The following COL4A2 variants were observed in gnomAD, a reference collection of about 807,000 sequenced individuals.
COL4A2 encodes collagen alpha-2(IV) chain.
COL4A2 carries 99 observed loss-of-function variants against 200.2 expected under a neutral mutation model. The observed-to-expected ratio is 0.49, with a 90% CI of 0.42 to 0.58. The LOEUF (loss-of-function observed/expected upper bound fraction) is 0.58, where lower values mean the gene tolerates loss of function less well. Among genes scored for constraint, COL4A2 ranks in the 20% least tolerant of loss-of-function variants. The pLI is 0.00. For synonymous variants in COL4A2, 897 were observed against 900.6 expected (o/e 1.00, Z 0.07); for missense variants, 1,950 against 2,314.1 (o/e 0.84, Z 3.23).
chr13:110,474,910 TCA>T (rs1310774617), intron 29 of COL4A2, among the ~76,000 whole-genome samples: 1 of 45,212 alleles, frequency 2.2e-5, no homozygotes, highest in Non-Finnish European at 4.9e-5. Context: ...ACACTCACGA[TCA>T]CACACATGCA....
Position 110,508,376 on chromosome 13 carries a change from G to C in COL4A2, c.4881+155G>C, listed in dbSNP as rs1883962573. The stretch of plus-strand genomic sequence containing the variant: ...GGAAGCGAGCGAGAGCTGGAACACA[G>C]CTTACACTTGGCTAACTGAGCCACA... On this transcript the variant is annotated intron_variant, in intron 47 of 47. Transcript: ENST00000360467. The surrounding 1 kb of genome is among the most constrained non-coding windows in gnomAD (Gnocchi z 6.1). 8.2e-7 allele frequency: 1 copy of C among 1,225,528 alleles called. No homozygotes were observed. Among genetic ancestry groups the C allele is most frequent in the Non-Finnish European group, 1.1e-6 (1 of 889,730 alleles). 75.9% of individuals were successfully genotyped at this position (1,225,528 alleles called of 1,614,324 possible). A position where few individuals can be genotyped will look rare whatever the true frequency, so the allele number is the denominator to read the frequency against.
rs184255442 is a variant in COL4A2 at position 110,334,720 on chromosome 13, A to G, written c.100-22752A>G. Among the ~76,000 whole-genome samples, 3 of 152,376 alleles carry G rather than the reference A, an allele frequency of 2.0e-5. No individual in the cohort carries two copies. The East Asian group carries it at 5.8e-4, about 29-fold the overall frequency. ...CATTCCCCAAGAACAAATGTTATGC[A>G]GCCAGTATATAACAATGCTTTGTTT... On this transcript the variant is annotated intron_variant, in intron 3 of 47. Coordinates refer to ENST00000360467, the MANE Select transcript of COL4A2 (RefSeq NM_001846.4).
chr13:110,343,819 C>A (rs902554721), intron 3 of COL4A2, among the ~76,000 whole-genome samples: 3 of 152,146 alleles, frequency 2.0e-5, no homozygotes, highest in African/African-American at 7.2e-5. Flanking sequence ...TTTTTTCTCC[C>A]AAATTTAGCA....
intron 4 of COL4A2, among the ~76,000 whole-genome samples, chr13:110,372,695 T>C (rs9588150): frequency 0.21 from 31,758 of 152,260 alleles, 3,432 homozygotes; most frequent in East Asian, 0.38. Flanking sequence ...TTGATTTATT[T>C]ACAGAGCTTT....
In COL4A2 at chr13:110,489,768, G is replaced by T; in HGVS notation, c.3329G>T (p.Gly1110Val). Residue 1110 changes from glycine (G) to valine (V), a missense_variant, in exon 36 of 48, where the codon GGC becomes GTC. Around this residue, in one of 2 missense-constraint regions of COL4A2, gnomAD observed 1,385 missense variants for 1,720.5 expected, o/e 0.80. Coordinates refer to ENST00000360467, the MANE Select transcript of COL4A2 (RefSeq NM_001846.4). ...AGACCAGGCCTGAAGGGGGAGCGGG[G>T]CACCACTGGAATACCAGGTACGCAA... ...PGRPGLKGER[G>V]TTGIPGLKGF... 6.2e-7 allele frequency: 1 copy of T among 1,612,036 alleles called. No individual in the cohort carries two copies. Among genetic ancestry groups the T allele is most frequent in the Non-Finnish European group, 8.5e-7 (1 of 1,179,344 alleles).
intron 46 of COL4A2, 34 bp downstream of exon 46, chr13:110,506,640 T>C: frequency 6.4e-7 from 1 of 1,565,582 alleles, no homozygotes; most frequent in South Asian, 1.2e-5. Context: ...CGTTGCCTGC[T>C]CAGGGCTGGC....
intron 45 of COL4A2, 41 bp downstream of exon 45, chr13:110,504,305 T>A: frequency 6.6e-7 from 1 of 1,509,836 alleles, no homozygotes; most frequent in Non-Finnish European, 9.2e-7. Flanking sequence ...GTCCTAGTGC[T>A]CTGGATCTGA....
At chr13:110,362,108 C>T (rs1011131730) in intron 4 of COL4A2, among the ~76,000 whole-genome samples, 4 of 152,144 alleles carry the variant, frequency 2.6e-5, no homozygotes, top group African/African-American at 2.4e-5. Context: ...ACATAGGCAG[C>T]GTGAGAAGAG....
chr13:110,366,174 C>G (rs1358119452), intron 4 of COL4A2, among the ~76,000 whole-genome samples: 1 of 152,178 alleles, frequency 6.6e-6, no homozygotes, highest in Non-Finnish European at 1.5e-5. Flanking sequence ...TATTCGCTTC[C>G]AATTCATTCT....
intron 29 of COL4A2, among the ~76,000 whole-genome samples, chr13:110,477,122 G>A (rs1882733577): frequency 6.6e-6 from 1 of 152,196 alleles, no homozygotes; most frequent in Non-Finnish European, 1.5e-5. Flanking sequence ...GCCAAGGCGG[G>A]CAGATCGCAT....
At position 110,339,233 on chromosome 13, in the gene COL4A2, A is replaced by G. The variant is rs568483157; in HGVS notation, c.100-18239A>G. Among the ~76,000 whole-genome samples the G allele has an allele frequency of 1.4e-3, 217 of 152,230 alleles. 5 individuals carry two copies. Among genetic ancestry groups the G allele is most frequent in the Non-Finnish European group, 1.7e-3 (117 of 68,036 alleles). On this transcript the variant is annotated intron_variant, in intron 3 of 47. Coordinates refer to ENST00000360467, the MANE Select transcript of COL4A2 (RefSeq NM_001846.4). Reference sequence around the variant, plus strand: ...GATTTCTTTTACCTTTTGTGCAGAAAGCCTTCGTTTAGAGAAAAGAGGACT... The same window carrying G: ...GATTTCTTTTACCTTTTGTGCAGAAGGCCTTCGTTTAGAGAAAAGAGGACT...
At chr13:110,408,660 G>A (rs969510084) in intron 4 of COL4A2, among the ~76,000 whole-genome samples, 3 of 152,176 alleles carry the variant, frequency 2.0e-5, no homozygotes, top group Non-Finnish European at 2.9e-5. Context: ...ATGGTCGGGC[G>A]TGGACACAGA....
intron 38 of COL4A2, 147 bp from the exon 39 acceptor site, chr13:110,493,062 CGA>C: frequency 3.8e-5 from 33 of 865,984 alleles, no homozygotes; most frequent in Admixed American, 4.3e-5. Flanking sequence ...GGTGAAATAA[CGA>C]TGAGTGACAC....
intron 4 of COL4A2, among the ~76,000 whole-genome samples, chr13:110,414,165 C>T (rs1289771552): frequency 2.0e-5 from 3 of 152,208 alleles, no homozygotes; most frequent in African/African-American, 7.2e-5. Context: ...CAGCAAAACC[C>T]TGACTCAAAA....
chr13:110,412,777 C>T (rs943871579), intron 4 of COL4A2, among the ~76,000 whole-genome samples: 1 of 152,186 alleles, frequency 6.6e-6, no homozygotes, highest in African/African-American at 2.4e-5. Context: ...CATTCCAGAG[C>T]CCTTGCCTCA....
intron 3 of COL4A2, among the ~76,000 whole-genome samples, chr13:110,321,483 A>C (rs992270962): frequency 6.6e-6 from 1 of 152,280 alleles, no homozygotes. Flanking sequence ...ATACCTCTGC[A>C]TCCCATCCTT....
At chr13:110,322,986 G>T (rs1885315223) in intron 3 of COL4A2, among the ~76,000 whole-genome samples, 1 of 152,246 alleles carries the variant, frequency 6.6e-6, no homozygotes, top group Non-Finnish European at 1.5e-5. Flanking sequence ...CAAAGGGCGT[G>T]TTGCCATCTC....
At chr13:110,468,449 C>G (rs940699029) in intron 27 of COL4A2, 1 of 395,910 alleles carries the variant, frequency 2.5e-6, no homozygotes, top group Non-Finnish European at 5.2e-6. Flanking sequence ...CAGACTACAG[C>G]CGTGTGCCAA....
In COL4A2 at chr13:110,512,355, C is replaced by A; in HGVS notation, c.*164C>A. 8.2e-7 allele frequency: 1 copy of A among 1,221,502 alleles called. No individual in the cohort carries two copies. Among genetic ancestry groups the A allele is most frequent in the Non-Finnish European group, 1.1e-6 (1 of 907,242 alleles). 75.7% of individuals were successfully genotyped at this position (1,221,502 alleles called of 1,614,324 possible). ...AGACCTGCCAGCCACTGTCACCGAGCGGGTGCAAGCACTCGGGGTCCCTGG... is the reference window on the plus strand; with the variant it reads ...AGACCTGCCAGCCACTGTCACCGAGAGGGTGCAAGCACTCGGGGTCCCTGG... On this transcript the variant is annotated 3_prime_UTR_variant, in exon 48 of 48. Transcript: ENST00000360467.
Sources: allele counts gnomAD v4.1 joint callset (sites outside exome capture counted in the v4.1 genomes callset), GRCh38; gene constraint gnomAD v4.1.1; regional missense constraint gnomAD v4.1.1; non-coding constraint Gnocchi (gnomAD v3.1); transcripts MANE v1.5; gene names NCBI Gene and HGNC (gene_info 2026-07-23, HGNC 2026-07-21).